SORCS3: variants seen among roughly 807,000 people sequenced by gnomAD.
The protein encoded by SORCS3 is sortilin related VPS10 domain containing receptor 3, also known as VPS10 domain-containing receptor SorCS3.
In SORCS3, 57 loss-of-function variants were observed where a neutral mutation model predicts 146.3. The ratio of observed to expected loss-of-function variants is 0.39; its 90% CI spans 0.31 to 0.49. The LOEUF (loss-of-function observed/expected upper bound fraction) is 0.49. Ranked by LOEUF, SORCS3 falls within the 20% of genes least tolerant of loss-of-function variation. The probability of loss-of-function intolerance (pLI) is 0.92; values close to 1 mark genes in which losing one functional copy is unlikely to be tolerated. For missense variants in SORCS3, 1,341 were observed against 1,575.5 expected (o/e 0.85, Z 2.52); for synonymous variants, 653 against 618.5 (o/e 1.06, Z -0.83).
intron 20 of SORCS3, among the ~76,000 whole-genome samples, chr10:105,239,086 A>G (rs2056809162): frequency 6.6e-6 from 1 of 152,172 alleles, no homozygotes; most frequent in African/African-American, 2.4e-5. Context: ...GAATAGAACC[A>G]TGAATTTGGT....
intron 2 of SORCS3, among the ~76,000 whole-genome samples, chr10:104,878,203 A>G (rs1258472059): frequency 2.6e-5 from 4 of 152,060 alleles, no homozygotes; most frequent in Non-Finnish European, 5.9e-5. Context: ...GAGCAGTGCC[A>G]TTTTCTTGGG....
At chr10:104,727,533 A>ATG (rs1168687052) in intron 1 of SORCS3, among the ~76,000 whole-genome samples, 1 of 114,952 alleles carries the variant, frequency 8.7e-6, no homozygotes, top group East Asian at 4.2e-4. Flanking sequence ...TAGAAGGGAT[A>ATG]TATGTGTGTG....
chr10:105,062,088 G>A (rs80041068), intron 5 of SORCS3, among the ~76,000 whole-genome samples: 8,972 of 152,214 alleles, frequency 0.059, 288 homozygotes, highest in Middle Eastern at 0.088. Context: ...TAAGAGGCAA[G>A]ATTAATTTTG....
intron 1 of SORCS3, among the ~76,000 whole-genome samples, chr10:104,775,878 G>A (rs914486390): frequency 6.6e-6 from 1 of 152,302 alleles, no homozygotes; most frequent in South Asian, 2.1e-4. Context: ...GAAGCAGAGA[G>A]GCATAGCTAC....
At chr10:104,987,948 C>G (rs577951567) in intron 4 of SORCS3, among the ~76,000 whole-genome samples, 1 of 152,306 alleles carries the variant, frequency 6.6e-6, no homozygotes, top group South Asian at 2.1e-4. Context: ...TGTTACTTTA[C>G]TCAGAGTTGG....
intron 1 of SORCS3, among the ~76,000 whole-genome samples, chr10:104,756,866 T>G (rs2017058957): frequency 6.6e-6 from 1 of 152,142 alleles, no homozygotes; most frequent in African/African-American, 2.4e-5. Flanking sequence ...ATTCTGATAC[T>G]TGGGTTAGTG....
intron 4 of SORCS3, among the ~76,000 whole-genome samples, chr10:104,994,468 C>T (rs992210872): frequency 1.6e-4 from 24 of 152,174 alleles, no homozygotes; most frequent in South Asian, 8.3e-4. Flanking sequence ...ACTCAGTAAC[C>T]GCACAAATTA....
rs142453230 is a variant in SORCS3 at position 104,699,583 on chromosome 10, C to G, written c.627+57629C>G. On this transcript the variant is annotated intron_variant, in intron 1 of 26. Transcript: ENST00000369701. ...AGATCTTTGAAAAGACCTTAGAAAA[C>G]TACCTTTGGAGATGTGTGGAAGTAG... Among the ~76,000 whole-genome samples, 195 of 152,156 alleles carry G rather than the reference C, an allele frequency of 1.3e-3. 1 individual carries two copies. Among genetic ancestry groups the G allele is most frequent in the African/African-American group, 4.5e-3 (185 of 41,502 alleles).
At chr10:104,872,253 A>C (rs2018526116) in intron 2 of SORCS3, among the ~76,000 whole-genome samples, 1 of 152,222 alleles carries the variant, frequency 6.6e-6, no homozygotes, top group Admixed American at 6.5e-5. Flanking sequence ...CATTGTCTTC[A>C]GCCTGGACTG....
intron 4 of SORCS3, among the ~76,000 whole-genome samples, chr10:104,985,473 G>A (rs1365642526): frequency 6.6e-6 from 1 of 152,066 alleles, no homozygotes; most frequent in Non-Finnish European, 1.5e-5. Context: ...ATGAGAGTTG[G>A]AATCAACTTC....
At chr10:104,644,016 C>T (rs1443773581) in intron 1 of SORCS3, among the ~76,000 whole-genome samples, 1 of 152,194 alleles carries the variant, frequency 6.6e-6, no homozygotes, top group African/African-American at 2.4e-5. Flanking sequence ...GCCTTCTTTG[C>T]TCATCTTCAA....
intron 1 of SORCS3, among the ~76,000 whole-genome samples, chr10:104,806,737 ACT>A (rs1171259101): frequency 6.6e-6 from 1 of 152,214 alleles, no homozygotes; most frequent in Non-Finnish European, 1.5e-5. Context: ...CTTGATCCTA[ACT>A]CTGTACAAAG....
At chr10:104,729,139 G>T (rs1400761135) in intron 1 of SORCS3, among the ~76,000 whole-genome samples, 4 of 152,148 alleles carry the variant, frequency 2.6e-5, no homozygotes, top group African/African-American at 4.8e-5. Flanking sequence ...TTTAAAAAAT[G>T]GTATGTGTAA....
At chr10:104,853,050 A>G (rs1167504635) in intron 2 of SORCS3, among the ~76,000 whole-genome samples, 1 of 152,212 alleles carries the variant, frequency 6.6e-6, no homozygotes, top group Non-Finnish European at 1.5e-5. Flanking sequence ...CTGTAATCCC[A>G]GCACTTTGGG....
In SORCS3 at chr10:104,641,427, G is replaced by A; in HGVS notation, c.100G>A (p.Glu34Lys). The change falls in exon 1 of 27, where the codon GAG becomes AAG. Residue 34 changes from glutamate (E) to lysine (K), a missense_variant. Transcript: ENST00000369701. The surrounding 1 kb of genome is among the most constrained non-coding windows in gnomAD (Gnocchi z 6.4). ...GTCGACGTGGGTCCTGGCCGGCGCC[G>A]AGATCACTTGGGACGCGACAGGCGG... ...LLSTWVLAGA[E>K]ITWDATGGPG... The A allele has an allele frequency of 1.4e-6, 2 of 1,469,768 alleles. No individual in the cohort carries two copies. Among genetic ancestry groups the A allele is most frequent in the Non-Finnish European group, 8.9e-7 (1 of 1,117,544 alleles). 91.0% of individuals were successfully genotyped at this position (1,469,768 alleles called of 1,614,324 possible). A position where few individuals can be genotyped will look rare whatever the true frequency, so the allele number is the denominator to read the frequency against.
chr10:104,709,919 A>C (rs1385366369), intron 1 of SORCS3, among the ~76,000 whole-genome samples: 1 of 151,924 alleles, frequency 6.6e-6, no homozygotes, highest in Non-Finnish European at 1.5e-5. Flanking sequence ...TAATTAAAAA[A>C]ATTTTTTTTA....
chr10:104,832,215 G>C (rs2018008594), intron 1 of SORCS3, among the ~76,000 whole-genome samples: 1 of 152,084 alleles, frequency 6.6e-6, no homozygotes, highest in Non-Finnish European at 1.5e-5. Context: ...AAGACAATAG[G>C]GGCACTTGAA....
chr10:104,929,839 C>T (rs1525398), intron 3 of SORCS3, among the ~76,000 whole-genome samples: 14,992 of 152,194 alleles, frequency 0.099, 816 homozygotes, highest in South Asian at 0.24. Context: ...ACAAAGCCAG[C>T]GTGCAAAAAC....
intron 26 of SORCS3, 91 bp downstream of exon 26, chr10:105,262,582 G>A: frequency 7.4e-7 from 1 of 1,348,208 alleles, no homozygotes; most frequent in South Asian, 1.6e-5. Flanking sequence ...CTGGACTGGA[G>A]GGTGGGGACA....
Sources: gnomAD v4.1 joint callset for allele counts (sites outside exome capture counted in the v4.1 genomes callset) on GRCh38, gnomAD v4.1.1 for gene constraint, Gnocchi (gnomAD v3.1) non-coding constraint, MANE v1.5 for transcripts, NCBI Gene and HGNC (gene_info 2026-07-23, HGNC 2026-07-21) for gene names.